Variants in ARNT2 observed in about 807,000 individuals in gnomAD.
The protein encoded by ARNT2 is aryl hydrocarbon receptor nuclear translocator 2, also known as ARNT protein 2.
ARNT2 carries 36 observed loss-of-function variants against 91.7 expected under a neutral mutation model. The ratio of observed to expected loss-of-function variants is 0.39; its 90% CI spans 0.30 to 0.52. ARNT2 has a LOEUF of 0.52. Ranked by LOEUF, ARNT2 falls within the 20% of genes least tolerant of loss-of-function variation. The pLI is 0.72. For synonymous variants in ARNT2, 365 were observed against 347.1 expected, an observed-to-expected ratio of 1.05 and a Z score of -0.57; for missense variants, 775 against 939.3, an observed-to-expected ratio of 0.83 and a Z score of 2.29.
intron 11 of ARNT2, among the ~76,000 whole-genome samples, chr15:80,561,480 G>A (rs1047785019): frequency 4.6e-5 from 7 of 152,122 alleles, no homozygotes; most frequent in Non-Finnish European, 8.8e-5. Flanking sequence ...GCACATATGC[G>A]TGCGTATTTC....
At chr15:80,548,283 A>C (rs1013508860) in intron 8 of ARNT2, among the ~76,000 whole-genome samples, 14 of 152,200 alleles carry the variant, frequency 9.2e-5, no homozygotes, top group Admixed American at 9.2e-4. Flanking sequence ...ATTACTTAAT[A>C]TGATAAATGT....
chr15:80,504,994 A>G (rs566664597), intron 5 of ARNT2, among the ~76,000 whole-genome samples: 1 of 152,224 alleles, frequency 6.6e-6, no homozygotes, highest in Admixed American at 6.5e-5. Flanking sequence ...GGTCTGCGGG[A>G]CTTGGATTTT....
intron 1 of ARNT2, among the ~76,000 whole-genome samples, chr15:80,406,971 G>A (rs767677252): frequency 1.3e-5 from 2 of 152,174 alleles, no homozygotes; most frequent in Admixed American, 6.5e-5. Flanking sequence ...CAAAGAGAGA[G>A]AGTTCAGATT....
chr15:80,478,995 A>G (rs1174865999), intron 5 of ARNT2, among the ~76,000 whole-genome samples: 3 of 152,204 alleles, frequency 2.0e-5, no homozygotes, highest in African/African-American at 7.2e-5. Flanking sequence ...GCAGGGAGCC[A>G]GGCAAGGCCT....
intron 1 of ARNT2, among the ~76,000 whole-genome samples, chr15:80,407,477 A>G (rs2141550131): frequency 6.6e-6 from 1 of 152,284 alleles, no homozygotes; most frequent in East Asian, 1.9e-4. Context: ...GGGAGAGGAG[A>G]AGAAAGGATT....
chr15:80,471,354 A>G (rs1896728543), intron 4 of ARNT2, among the ~76,000 whole-genome samples: 1 of 152,212 alleles, frequency 6.6e-6, no homozygotes, highest in Non-Finnish European at 1.5e-5. Context: ...AAAGAGGGGA[A>G]CAACAGACAT....
At chr15:80,538,693 A>T (rs1897859819) in intron 8 of ARNT2, among the ~76,000 whole-genome samples, 1 of 152,140 alleles carries the variant, frequency 6.6e-6, no homozygotes, top group Non-Finnish European at 1.5e-5. Flanking sequence ...TAGAAAAAGA[A>T]TAATAGAATG....
At chr15:80,544,033 A>T (rs1341811074) in intron 8 of ARNT2, among the ~76,000 whole-genome samples, 1 of 152,068 alleles carries the variant, frequency 6.6e-6, no homozygotes, top group Non-Finnish European at 1.5e-5. Flanking sequence ...GAGCCACCAC[A>T]CCCAGCCCCA....
At chr15:80,485,583 A>C (rs1204938185) in intron 5 of ARNT2, among the ~76,000 whole-genome samples, 1 of 152,224 alleles carries the variant, frequency 6.6e-6, no homozygotes, top group Non-Finnish European at 1.5e-5. Flanking sequence ...ACAGAATGGG[A>C]CATGTCTGGG....
At chr15:80,490,612 C>T (rs4503750) in intron 5 of ARNT2, among the ~76,000 whole-genome samples, 5,480 of 152,316 alleles carry the variant, frequency 0.036, 212 homozygotes, top group East Asian at 0.16. Context: ...ATGCAGACCC[C>T]GCCCCACAGT....
intron 1 of ARNT2, among the ~76,000 whole-genome samples, chr15:80,419,814 T>G (rs1375362808): frequency 2.0e-5 from 3 of 152,226 alleles, no homozygotes; most frequent in Non-Finnish European, 4.4e-5. Flanking sequence ...ATTTGGAAGA[T>G]AAACACAAAT....
chr15:80,466,007 C>T (rs1186319710), intron 3 of ARNT2, among the ~76,000 whole-genome samples: 1 of 152,166 alleles, frequency 6.6e-6, no homozygotes, highest in Non-Finnish European at 1.5e-5. Flanking sequence ...ACAGTAACTC[C>T]CAGACTGGAA....
In ARNT2 at chr15:80,542,167, C is replaced by A. The variant is rs1169226439; in HGVS notation, c.878-9032C>A. On this transcript the variant is annotated intron_variant, in intron 8 of 18. Transcript: ENST00000303329. ...CATACACACACTTGAATCTCATTCACAACTAAACATTTTTTGCCCATATTA... is the reference window on the plus strand; with the variant it reads ...CATACACACACTTGAATCTCATTCAAAACTAAACATTTTTTGCCCATATTA... Among the ~76,000 whole-genome samples, 9 of 152,364 alleles carry A rather than the reference C, an allele frequency of 5.9e-5. No homozygotes were observed. The East Asian group carries it at 1.7e-3, about 29-fold the overall frequency.
At chr15:80,576,731 T>G in intron 14 of ARNT2, 135 bp from the exon 15 acceptor site, 1 of 834,524 alleles carries the variant, frequency 1.2e-6, no homozygotes, top group East Asian at 2.5e-5. Flanking sequence ...CTGAGAAGAT[T>G]GCGTGCAGGC....
intron 8 of ARNT2, among the ~76,000 whole-genome samples, chr15:80,545,018 T>G (rs1305833743): frequency 6.6e-6 from 1 of 152,138 alleles, no homozygotes; most frequent in African/African-American, 2.4e-5. Flanking sequence ...CAGCAATAGA[T>G]GGACATGGGA....
chr15:80,445,855 T>A (rs1300732505), intron 1 of ARNT2, among the ~76,000 whole-genome samples: 2 of 151,940 alleles, frequency 1.3e-5, no homozygotes, highest in Non-Finnish European at 2.9e-5. Flanking sequence ...GTGTTACGAG[T>A]GGGGTGCTGA....
Position 80,487,802 on chromosome 15 carries a change from A to G in ARNT2, c.622+12579A>G, listed in dbSNP as rs1897000010. ...GGGAAGGGATCTAAAACAGAAGCCA[A>G]CCTGGGCATTGCAAGACCGGAAGAG... On this transcript the variant is annotated intron_variant, in intron 5 of 18. Transcript: ENST00000303329. 3.3e-5 allele frequency: 5 copies of G among 152,216 alleles called. 1 individual carries two copies. Among genetic ancestry groups the G allele is most frequent in the Admixed American group, 3.3e-4 (5 of 15,282 alleles). The allele number at this position is 152,216 out of a possible 1,614,324, so 9.4% of individuals were successfully genotyped here. A position where few individuals can be genotyped will look rare whatever the true frequency, so the allele number is the denominator to read the frequency against.
At position 80,508,218 on chromosome 15, in the gene ARNT2, A is replaced by G. The variant is rs1427130902; in HGVS notation, c.685A>G (p.Met229Val). 1.2e-6 allele frequency: 2 copies of G among 1,613,948 alleles called. No individual in the cohort carries two copies. The highest frequency in any genetic ancestry group is 2.7e-5 in the African/African-American group (2 of 74,888). ...KKEGQQSSMR[M>V]CMGSRRSFIC... is the part of the protein sequence containing the mutation. ...AGAAGGGCAGCAGTCATCCATGAGG[A>G]TGTGCATGGGCTCGCGGCGGTCTTT... The change falls in exon 6 of 19, where the codon ATG becomes GTG. Residue 229 changes from methionine to valine, a missense_variant. Coordinates refer to ENST00000303329, the MANE Select transcript of ARNT2 (RefSeq NM_014862.4).
intron 5 of ARNT2, among the ~76,000 whole-genome samples, chr15:80,490,070 G>T (rs2141410652): frequency 6.6e-6 from 1 of 152,086 alleles, no homozygotes; most frequent in African/African-American, 2.4e-5. Flanking sequence ...ACCTAGTCAG[G>T]GATTCGTGCA....
Sources: gnomAD v4.1 joint callset for allele counts (sites outside exome capture counted in the v4.1 genomes callset) on GRCh38, gnomAD v4.1.1 for gene constraint, MANE v1.5 for transcripts, NCBI Gene and HGNC (gene_info 2026-07-23, HGNC 2026-07-21) for gene names.